Variants in VSTM5 observed in about 807,000 individuals in gnomAD.
The protein encoded by VSTM5 is V-set and transmembrane domain containing 5, also known as V-set and transmembrane domain-containing protein 5.
In VSTM5, 21 loss-of-function variants were observed where a neutral mutation model predicts 20.3. That is an observed-to-expected ratio of 1.03 (90% CI 0.73 to 1.49). VSTM5 has a LOEUF of 1.49. Ranked by LOEUF, VSTM5 falls within the 40% of genes most tolerant of loss-of-function variation. The pLI, the probability that VSTM5 is intolerant of heterozygous loss-of-function variation, is 0.00. For synonymous variants in VSTM5, 100 were observed against 102.5 expected (o/e 0.98, Z 0.14); for missense variants, 219 against 250.0 (o/e 0.88, Z 0.84).
intron 1 of VSTM5, among the ~76,000 whole-genome samples, chr11:93,835,670 T>C (rs1284552114): frequency 1.3e-5 from 2 of 152,156 alleles, no homozygotes; most frequent in Admixed American, 6.5e-5. Flanking sequence ...CCTTTGAGTA[T>C]CAGAATTATT....
chr11:93,844,215 C>T (rs934487914), intron 1 of VSTM5, among the ~76,000 whole-genome samples: 9 of 152,182 alleles, frequency 5.9e-5, no homozygotes, highest in Admixed American at 2.6e-4. Context: ...TCCCGAAGTG[C>T]GTGGAAGCCT....
rs149014311 is a variant in VSTM5 at position 93,848,105 on chromosome 11, G to A, written c.91+2307C>T. The stretch of plus-strand genomic sequence containing the variant: ...GGCTTGAATATATGAATCTTGGGAG[G>A]ACCCATACATTTGTAGGGGAAAGGT... On this transcript the variant is annotated intron_variant, in intron 1 of 3. Coordinates refer to ENST00000409977, the MANE Select transcript of VSTM5 (RefSeq NM_001144871.2). 1.5e-3 allele frequency among the ~76,000 whole-genome samples: 221 copies of A among 152,264 alleles called. 2 individuals are homozygous for A. Among genetic ancestry groups the A allele is most frequent in the African/African-American group, 5.0e-3 (206 of 41,550 alleles).
rs1944152548 is a variant in VSTM5, at chr11:93,818,692, C to T, written c.*1877G>A. 6.6e-6 allele frequency: 1 copy of T among 152,164 alleles called. No homozygotes were observed. Among genetic ancestry groups the T allele is most frequent in the African/African-American group, 2.4e-5 (1 of 41,426 alleles). The allele number at this position is 152,164 out of a possible 1,614,324, so 9.4% of individuals were successfully genotyped here. A position where few individuals can be genotyped will look rare whatever the true frequency, so the allele number is the denominator to read the frequency against. ...AGTGTGGAAGAGGACATGCTGGCCC[C>T]AGCAGCTACCCAACTCCCACTGCTT... is the stretch of plus-strand genomic sequence containing the variant. On this transcript the variant is annotated 3_prime_UTR_variant, in exon 4 of 4. Coordinates refer to ENST00000409977, the MANE Select transcript of VSTM5 (RefSeq NM_001144871.2).
chr11:93,834,595 G>A (rs1565301949), intron 1 of VSTM5, among the ~76,000 whole-genome samples: 1 of 6,356 alleles, frequency 1.6e-4, no homozygotes, highest in African/African-American at 2.6e-4. Flanking sequence ...TGGCCAACAT[G>A]GCACATGTAA....
chr11:93,820,607 T>G lies in VSTM5; in HGVS notation c.565A>C (p.Thr189Pro). The G allele has an allele frequency of 6.4e-7, 1 of 1,551,856 alleles. No homozygotes were observed. The highest frequency in any genetic ancestry group is 8.7e-7 in the Non-Finnish European group (1 of 1,147,022). The part of the protein sequence containing the change: ...RKRRHKLKES[T>P]TEEIELEDVE... ...TCTTCCAGCTCAATCTCCTCAGTTG[T>G]GCTTTCTGTAAAGCAAAGACAAGTC... Residue 189 changes from threonine to proline, a missense_variant, in exon 4 of 4, where the codon ACA becomes CCA. Thr to Pro is a conservative substitution (Grantham distance 38, BLOSUM62 -1). Transcript: ENST00000409977.
At chr11:93,826,871 T>G (rs562057854) in intron 1 of VSTM5, among the ~76,000 whole-genome samples, 2 of 152,322 alleles carry the variant, frequency 1.3e-5, no homozygotes, top group East Asian at 3.9e-4. Context: ...TTAATTTCTA[T>G]GTATGTGAGA....
At position 93,824,130 on chromosome 11, in the gene VSTM5, A is replaced by C. The variant is rs141038359; in HGVS notation, c.92-2807T>G. ...ACCATGTTGGTCAGGCTGGCCTCGAACTCCCGACATCAGGTGATCCACCCA... is the reference window on the plus strand; with the variant it reads ...ACCATGTTGGTCAGGCTGGCCTCGACCTCCCGACATCAGGTGATCCACCCA... On this transcript the variant is annotated intron_variant, in intron 1 of 3. Transcript: ENST00000409977. 3.8e-3 allele frequency among the ~76,000 whole-genome samples: 574 copies of C among 151,832 alleles called. 12 individuals carry two copies. The highest frequency in any genetic ancestry group is 0.013 in the African/African-American group (548 of 41,364).
chr11:93,826,406 CT>C (rs1000270798), intron 1 of VSTM5, among the ~76,000 whole-genome samples: 3 of 150,184 alleles, frequency 2.0e-5, no homozygotes, highest in East Asian at 2.0e-4. Context: ...CATCTGTTTT[CT>C]TTTTTTTTGA....
intron 1 of VSTM5, among the ~76,000 whole-genome samples, chr11:93,826,924 T>G (rs1179737487): frequency 6.6e-6 from 1 of 152,194 alleles, no homozygotes; most frequent in East Asian, 1.9e-4. Flanking sequence ...AGTTTCATAT[T>G]ACTGTGGTCA....
chr11:93,848,385 A>C (rs1026831412), intron 1 of VSTM5, among the ~76,000 whole-genome samples: 1 of 152,200 alleles, frequency 6.6e-6, no homozygotes. Context: ...AGGGACCCTG[A>C]GTTGAAACAG....
intron 1 of VSTM5, among the ~76,000 whole-genome samples, chr11:93,827,408 A>G (rs1337113730): frequency 6.6e-6 from 1 of 152,244 alleles, no homozygotes; most frequent in Non-Finnish European, 1.5e-5. Context: ...TATAACAAAG[A>G]TGAAAAATTA....
chr11:93,822,218 A>C (rs1296431130), intron 1 of VSTM5: 1 of 151,794 alleles, frequency 6.6e-6, no homozygotes, highest in Non-Finnish European at 1.5e-5. Flanking sequence ...AGTAGCTGGG[A>C]TTACAGGTGC....
chr11:93,824,786 T>C (rs1462625109), intron 1 of VSTM5, among the ~76,000 whole-genome samples: 1 of 152,116 alleles, frequency 6.6e-6, no homozygotes, highest in African/African-American at 2.4e-5. Context: ...CTTCTAGGAG[T>C]TTTATGGTTT....
chr11:93,843,100 A>AG (rs1182806637), intron 1 of VSTM5, among the ~76,000 whole-genome samples: 1 of 152,032 alleles, frequency 6.6e-6, no homozygotes, highest in East Asian at 1.9e-4. Flanking sequence ...AAAAAAAAAA[A>AG]AGAGAATTCA....
At chr11:93,840,342 G>A (rs553427434) in intron 1 of VSTM5, among the ~76,000 whole-genome samples, 1 of 152,298 alleles carries the variant, frequency 6.6e-6, no homozygotes, top group South Asian at 2.1e-4. Flanking sequence ...TGTGACCAAG[G>A]CCTCTGTGAT....
chr11:93,838,082 C>G (rs1172116958), intron 1 of VSTM5, among the ~76,000 whole-genome samples: 2 of 152,180 alleles, frequency 1.3e-5, no homozygotes, highest in Admixed American at 1.3e-4. Flanking sequence ...AGCCGAAAGA[C>G]CCAGGTTCTA....
intron 1 of VSTM5, among the ~76,000 whole-genome samples, chr11:93,838,122 C>G (rs1488557049): frequency 6.6e-6 from 1 of 152,178 alleles, no homozygotes; most frequent in Non-Finnish European, 1.5e-5. Flanking sequence ...AGCTGGGCGA[C>G]TCTGCACAAA....
chr11:93,835,992 C>G (rs1591400652), intron 1 of VSTM5, among the ~76,000 whole-genome samples: 1 of 152,130 alleles, frequency 6.6e-6, no homozygotes, highest in South Asian at 2.1e-4. Flanking sequence ...ATGTATAATC[C>G]CATCTCCCAG....
chr11:93,818,701 C>T lies in VSTM5; in HGVS notation c.*1868G>A, dbSNP rs897770197. On this transcript the variant is annotated 3_prime_UTR_variant, in exon 4 of 4. Coordinates refer to ENST00000409977, the MANE Select transcript of VSTM5 (RefSeq NM_001144871.2). The stretch of plus-strand genomic sequence containing the variant: ...GAGGACATGCTGGCCCCAGCAGCTA[C>T]CCAACTCCCACTGCTTTCCTGCTGG... The T allele has an allele frequency of 6.6e-6, 1 of 152,196 alleles. No homozygotes were observed. The highest frequency in any genetic ancestry group is 6.5e-5 in the Admixed American group (1 of 15,278). The allele number at this position is 152,196 out of a possible 1,614,324, so 9.4% of individuals were successfully genotyped here.
Sources: gnomAD v4.1 joint callset for allele counts (sites outside exome capture counted in the v4.1 genomes callset) on GRCh38, gnomAD v4.1.1 for gene constraint, MANE v1.5 for transcripts, NCBI Gene and HGNC (gene_info 2026-07-23, HGNC 2026-07-21) for gene names.